Variants in TMEM178B observed in about 807,000 individuals in gnomAD.
TMEM178B encodes transmembrane protein 178B.
A neutral mutation model predicts 31.0 loss-of-function variants in TMEM178B; 5 were observed. That is an observed-to-expected ratio of 0.16 (90% CI 0.08 to 0.34). The LOEUF (loss-of-function observed/expected upper bound fraction) is 0.34. Ranked by LOEUF, TMEM178B falls within the 10% of genes least tolerant of loss-of-function variation. The probability of loss-of-function intolerance (pLI) is 1.00; values close to 1 mark genes in which losing one functional copy is unlikely to be tolerated. For synonymous variants in TMEM178B, 164 were observed against 164.0 expected (o/e 1.00, Z 0.00); for missense variants, 275 against 400.3 (o/e 0.69, Z 2.67).
At position 141,437,849 on chromosome 7, in the gene TMEM178B, CTG is replaced by C. The variant is rs778910203; in HGVS notation, c.634+105_634+106del. ...CACAGCAGAGGGGACCATGACGTGA[CTG>C]GGGTTCTCATTCACTCATCCATTGG... On this transcript the variant is annotated intron_variant, in intron 3 of 3. Transcript: ENST00000565468. The C allele has an allele frequency of 9.3e-5, 133 of 1,436,022 alleles. 1 individual carries two copies. The highest frequency in any genetic ancestry group is 1.2e-4 in the Non-Finnish European group (130 of 1,072,860). 89.0% of individuals were successfully genotyped at this position (1,436,022 alleles called of 1,614,324 possible).
intron 2 of TMEM178B, among the ~76,000 whole-genome samples, chr7:141,325,940 C>T (rs1050683205): frequency 2.0e-5 from 3 of 152,202 alleles, no homozygotes; most frequent in African/African-American, 4.8e-5. Context: ...AGATCACAGA[C>T]ACCTTTGGTA....
chr7:141,196,792 T>G (rs1796790146), intron 1 of TMEM178B, among the ~76,000 whole-genome samples: 1 of 152,054 alleles, frequency 6.6e-6, no homozygotes, highest in Non-Finnish European at 1.5e-5. Flanking sequence ...AGAAGCTCAT[T>G]GGTGTAATTG....
chr7:141,435,409 G>A (rs958994518), intron 2 of TMEM178B, among the ~76,000 whole-genome samples: 1 of 152,198 alleles, frequency 6.6e-6, no homozygotes, highest in Admixed American at 6.5e-5. Flanking sequence ...AGCATTGGTA[G>A]TAGAGTATCC....
At chr7:141,137,804 T>C (rs2129178624) in intron 1 of TMEM178B, among the ~76,000 whole-genome samples, 1 of 152,270 alleles carries the variant, frequency 6.6e-6, no homozygotes, top group South Asian at 2.1e-4. Flanking sequence ...GTACAATTAT[T>C]GTGTATCAAT....
chr7:141,204,370 GC>G (rs1392816982), intron 1 of TMEM178B, among the ~76,000 whole-genome samples: 3 of 152,222 alleles, frequency 2.0e-5, no homozygotes, highest in African/African-American at 7.2e-5. Context: ...TTAGTTGAGA[GC>G]TGCTTTCCCA....
At chr7:141,156,655 A>G (rs1484652587) in intron 1 of TMEM178B, among the ~76,000 whole-genome samples, 1 of 152,204 alleles carries the variant, frequency 6.6e-6, no homozygotes, top group Non-Finnish European at 1.5e-5. Flanking sequence ...TTATGGAGGG[A>G]TTATCCAGGT....
Position 141,468,746 on chromosome 7 carries a change from T to C in TMEM178B, c.635-1790T>C, listed in dbSNP as rs112677063. Among the ~76,000 whole-genome samples, 1,224 of 151,366 alleles carry C rather than the reference T, an allele frequency of 8.1e-3. 9 individuals are homozygous for C. Among genetic ancestry groups the C allele is most frequent in the Non-Finnish European group, 0.013 (892 of 67,806 alleles). On this transcript the variant is annotated intron_variant, in intron 3 of 3. Coordinates refer to ENST00000565468, the MANE Select transcript of TMEM178B (RefSeq NM_001195278.2). The stretch of plus-strand genomic sequence containing the variant: ...CAAGAAGTGGGTTTAGGACCGGAGG[T>C]TTAATAGACAAAAGAAAGAGAAAGG...
At chr7:141,258,297 G>C (rs1797960763) in intron 2 of TMEM178B, among the ~76,000 whole-genome samples, 2 of 151,034 alleles carry the variant, frequency 1.3e-5, no homozygotes, top group African/African-American at 4.9e-5. Context: ...GACTTCCCTG[G>C]GCCACATGTA....
intron 2 of TMEM178B, among the ~76,000 whole-genome samples, chr7:141,391,838 T>C (rs943533076): frequency 1.3e-5 from 2 of 152,242 alleles, no homozygotes; most frequent in African/African-American, 4.8e-5. Context: ...GGTTCATCCA[T>C]GTTGTAGCAT....
At chr7:141,325,956 A>G (rs1298033241) in intron 2 of TMEM178B, among the ~76,000 whole-genome samples, 2 of 152,236 alleles carry the variant, frequency 1.3e-5, no homozygotes, top group African/African-American at 2.4e-5. Context: ...TGGTAATCCA[A>G]TGAAAACTGT....
intron 2 of TMEM178B, among the ~76,000 whole-genome samples, chr7:141,262,345 T>G (rs1431654203): frequency 2.0e-5 from 3 of 151,956 alleles, no homozygotes; most frequent in Non-Finnish European, 4.4e-5. Flanking sequence ...ACACAGATAT[T>G]TGGGCCGAGA....
At chr7:141,323,096 C>CAAACCA (rs1473586916) in intron 2 of TMEM178B, among the ~76,000 whole-genome samples, 12 of 152,184 alleles carry the variant, frequency 7.9e-5, no homozygotes, top group Non-Finnish European at 2.9e-5. Flanking sequence ...TTGAATGCTG[C>CAAACCA]TTTTCACAGA....
chr7:141,326,569 C>G (rs1291216989), intron 2 of TMEM178B, among the ~76,000 whole-genome samples: 1 of 152,182 alleles, frequency 6.6e-6, no homozygotes. Context: ...AATGGTTCCT[C>G]TAAACCAAGG....
At chr7:141,440,785 C>G (rs1263205853) in intron 3 of TMEM178B, among the ~76,000 whole-genome samples, 1 of 152,212 alleles carries the variant, frequency 6.6e-6, no homozygotes, top group Non-Finnish European at 1.5e-5. Flanking sequence ...ACTGCGGCAC[C>G]TTCCAGGATG....
At chr7:141,423,810 T>TG (rs1000259873) in intron 2 of TMEM178B, among the ~76,000 whole-genome samples, 8 of 147,872 alleles carry the variant, frequency 5.4e-5, no homozygotes, top group Non-Finnish European at 9.0e-5. Flanking sequence ...TTTGTGTTTT[T>TG]TTTTTTTTTT....
At chr7:141,175,890 A>C (rs763544151) in intron 1 of TMEM178B, among the ~76,000 whole-genome samples, 12 of 152,228 alleles carry the variant, frequency 7.9e-5, no homozygotes, top group Non-Finnish European at 1.8e-4. Context: ...ATATACAAAC[A>C]TGTCATCTGC....
intron 2 of TMEM178B, among the ~76,000 whole-genome samples, chr7:141,293,334 G>T (rs1046299070): frequency 6.6e-6 from 1 of 152,166 alleles, no homozygotes; most frequent in Non-Finnish European, 1.5e-5. Flanking sequence ...TCCCTGGAAG[G>T]CCTGCAATTC....
At chr7:141,118,805 A>T (rs1795364757) in intron 1 of TMEM178B, among the ~76,000 whole-genome samples, 1 of 152,248 alleles carries the variant, frequency 6.6e-6, no homozygotes, top group Admixed American at 6.5e-5. Flanking sequence ...TACTGAAGAA[A>T]TCGTATGAAG....
At chr7:141,202,747 G>T (rs1433361278) in intron 1 of TMEM178B, among the ~76,000 whole-genome samples, 2 of 152,196 alleles carry the variant, frequency 1.3e-5, no homozygotes, top group East Asian at 3.9e-4. Context: ...GGGAGGTGGG[G>T]TGTGGAGATT....
Sources: allele counts gnomAD v4.1 joint callset (sites outside exome capture counted in the v4.1 genomes callset), GRCh38; gene constraint gnomAD v4.1.1; transcripts MANE v1.5; gene names NCBI Gene and HGNC (gene_info 2026-07-23, HGNC 2026-07-21).